LUZP2: variants seen among roughly 807,000 people sequenced by gnomAD.
LUZP2 encodes leucine zipper protein 2.
In LUZP2, 52 loss-of-function variants were observed where a neutral mutation model predicts 51.6. The ratio of observed to expected loss-of-function variants is 1.01; its 90% CI spans 0.81 to 1.27. LUZP2 has a LOEUF of 1.27. Ranked by LOEUF, LUZP2 falls within the 50% of genes most tolerant of loss-of-function variation. The pLI, the probability that LUZP2 is intolerant of heterozygous loss-of-function variation, is 0.00. For synonymous variants in LUZP2, 154 were observed against 137.3 expected (o/e 1.12, Z -0.85); for missense variants, 436 against 395.4 (o/e 1.10, Z -0.87).
chr11:24,681,204 A>C (rs1361425094), intron 1 of LUZP2, among the ~76,000 whole-genome samples: 1 of 151,578 alleles, frequency 6.6e-6, no homozygotes, highest in Non-Finnish European at 1.5e-5. Context: ...GATGGTCTCG[A>C]TCTCCTGACC....
At chr11:24,906,509 T>C (rs1853457996) in intron 6 of LUZP2, among the ~76,000 whole-genome samples, 1 of 151,806 alleles carries the variant, frequency 6.6e-6, no homozygotes, top group East Asian at 1.9e-4. Context: ...TGCTGTGTAG[T>C]AAAATTGTCT....
chr11:24,670,281 T>A (rs1856360816), intron 1 of LUZP2, among the ~76,000 whole-genome samples: 2 of 152,082 alleles, frequency 1.3e-5, no homozygotes. Context: ...AGTAATTTTT[T>A]AAATGGCAAT....
At chr11:25,075,150 T>C (rs1227226501) in intron 10 of LUZP2, among the ~76,000 whole-genome samples, 1 of 152,200 alleles carries the variant, frequency 6.6e-6, no homozygotes, top group East Asian at 1.9e-4. Context: ...GTTTGAATTA[T>C]AAATCATACA....
At chr11:24,778,400 G>A (rs1052581548) in intron 5 of LUZP2, among the ~76,000 whole-genome samples, 2 of 124,158 alleles carry the variant, frequency 1.6e-5, no homozygotes, top group Non-Finnish European at 1.7e-5. Flanking sequence ...AGGCAACAGA[G>A]CAAGATCCTT....
At chr11:24,705,507 T>C (rs1415504312) in intron 1 of LUZP2, among the ~76,000 whole-genome samples, 1 of 152,212 alleles carries the variant, frequency 6.6e-6, no homozygotes, top group Non-Finnish European at 1.5e-5. Context: ...CTTTCCTCTG[T>C]ACATTTATTG....
intron 5 of LUZP2, among the ~76,000 whole-genome samples, chr11:24,902,557 G>A (rs1053996660): frequency 6.6e-6 from 1 of 152,138 alleles, no homozygotes; most frequent in Admixed American, 6.6e-5. Flanking sequence ...GGTGTGGAAT[G>A]TTTAGCACTG....
At chr11:24,649,797 T>C (rs1368191013) in intron 1 of LUZP2, among the ~76,000 whole-genome samples, 1 of 151,900 alleles carries the variant, frequency 6.6e-6, no homozygotes, top group Non-Finnish European at 1.5e-5. Flanking sequence ...GCTGATGATT[T>C]TTCAAGATGG....
intron 1 of LUZP2, among the ~76,000 whole-genome samples, chr11:24,577,993 T>C (rs561668053): frequency 4.0e-4 from 61 of 152,290 alleles, no homozygotes; most frequent in African/African-American, 1.4e-3. Flanking sequence ...TCTGTACTTC[T>C]TTGTTTCTAA....
At chr11:24,910,468 G>A (rs575624544) in intron 6 of LUZP2, among the ~76,000 whole-genome samples, 1 of 152,188 alleles carries the variant, frequency 6.6e-6, no homozygotes, top group Non-Finnish European at 1.5e-5. Flanking sequence ...GCTCTGTACA[G>A]CCTCTGGACA....
At chr11:24,610,533 G>T (rs966932451) in intron 1 of LUZP2, among the ~76,000 whole-genome samples, 1 of 152,186 alleles carries the variant, frequency 6.6e-6, no homozygotes, top group Admixed American at 6.5e-5. Flanking sequence ...TTTGGCCCTT[G>T]TTTATGGTGG....
chr11:25,020,697 G>A (rs7111930), intron 9 of LUZP2, among the ~76,000 whole-genome samples: 88,633 of 151,570 alleles, frequency 0.58, 27,119 homozygotes, highest in African/African-American at 0.77. Flanking sequence ...TCTCTTAAGA[G>A]TAATTTGAAT....
intron 1 of LUZP2, among the ~76,000 whole-genome samples, chr11:24,607,020 G>T (rs763171387): frequency 1.3e-5 from 2 of 151,660 alleles, no homozygotes; most frequent in Non-Finnish European, 1.5e-5. Flanking sequence ...TGAATTGTAC[G>T]ACTTCCTTAT....
At chr11:24,957,169 C>T (rs184206630) in intron 7 of LUZP2, among the ~76,000 whole-genome samples, 3 of 152,006 alleles carry the variant, frequency 2.0e-5, no homozygotes, top group East Asian at 3.9e-4. Flanking sequence ...CAGAAAAATG[C>T]GGTACCAAAA....
At chr11:25,021,643 G>A (rs1055765875) in intron 9 of LUZP2, among the ~76,000 whole-genome samples, 2 of 152,030 alleles carry the variant, frequency 1.3e-5, no homozygotes, top group African/African-American at 4.8e-5. Flanking sequence ...GTTTGAAAGA[G>A]CTTCTGTTCC....
In LUZP2 at chr11:24,640,072, G is replaced by A. The variant is rs796405332; in HGVS notation, c.63-89097G>A. On this transcript the variant is annotated intron_variant, in intron 1 of 11. Coordinates refer to ENST00000336930, the MANE Select transcript of LUZP2 (RefSeq NM_001009909.4). Reference sequence around the variant, plus strand: ...CAGGCTCCTACCCTCCCATAGAGAAGAGGCATAAGAAAGTTATCTTTTTGA... The same window carrying A: ...CAGGCTCCTACCCTCCCATAGAGAAAAGGCATAAGAAAGTTATCTTTTTGA... Among the ~76,000 whole-genome samples the A allele has an allele frequency of 2.5e-4, 38 of 151,960 alleles. 3 individuals are homozygous for A. The highest frequency in any genetic ancestry group is 9.0e-4 in the African/African-American group (37 of 41,284).
At chr11:25,006,720 A>G (rs1028617125) in intron 9 of LUZP2, among the ~76,000 whole-genome samples, 1 of 152,152 alleles carries the variant, frequency 6.6e-6, no homozygotes, top group Non-Finnish European at 1.5e-5. Flanking sequence ...TCACCAAAAT[A>G]TGTCTGGGAT....
intron 10 of LUZP2, among the ~76,000 whole-genome samples, chr11:25,070,770 G>GTGTGT (rs146900199): frequency 7.1e-6 from 1 of 141,284 alleles, no homozygotes; most frequent in Non-Finnish European, 1.5e-5. Flanking sequence ...GACTGTGTAT[G>GTGTGT]GTGTGTGTGT....
At chr11:24,936,218 T>A (rs1219753181) in intron 7 of LUZP2, among the ~76,000 whole-genome samples, 1 of 152,180 alleles carries the variant, frequency 6.6e-6, no homozygotes, top group Admixed American at 6.5e-5. Flanking sequence ...AAGCAAGGGC[T>A]GAACCCCTAA....
In LUZP2 at chr11:25,031,011, ATATATT is replaced by A. The variant is rs1857666484; in HGVS notation, c.766-19025_766-19020del. Among the ~76,000 whole-genome samples the A allele has an allele frequency of 6.2e-4, 2 of 3,246 alleles. 1 individual carries two copies. The highest frequency in any genetic ancestry group is 1.0e-3 in the Non-Finnish European group (2 of 2,002). 2.1% of individuals were successfully genotyped at this position (3,246 alleles called of 152,430 possible). On this transcript the variant is annotated intron_variant, in intron 9 of 11. Coordinates refer to ENST00000336930, the MANE Select transcript of LUZP2 (RefSeq NM_001009909.4). ...CAATATATATTATATATATATATATATATATTTTTTTTTTTTTTTGAGACAGAGTCT... is the reference window on the plus strand; with the variant it reads ...CAATATATATTATATATATATATATATTTTTTTTTTTTTGAGACAGAGTCT...
Sources: gnomAD v4.1 joint callset for allele counts (sites outside exome capture counted in the v4.1 genomes callset) on GRCh38, gnomAD v4.1.1 for gene constraint, MANE v1.5 for transcripts, NCBI Gene and HGNC (gene_info 2026-07-23, HGNC 2026-07-21) for gene names.